The following WNK2 variants were observed in gnomAD, a reference collection of about 807,000 sequenced individuals.
WNK2 encodes the protein serine/threonine-protein kinase WNK2.
WNK2 carries 67 observed loss-of-function variants against 192.1 expected under a neutral mutation model. The ratio of observed to expected loss-of-function variants is 0.35; its 90% CI spans 0.29 to 0.43. The LOEUF (loss-of-function observed/expected upper bound fraction) is 0.43, where lower values mean the gene tolerates loss of function less well. Among genes scored for constraint, WNK2 ranks in the 20% least tolerant of loss-of-function variants. The pLI, the probability that WNK2 is intolerant of heterozygous loss-of-function variation, is 1.00. For missense variants in WNK2, 2,698 were observed against 3,089.7 expected (o/e 0.87, Z 3.01); for synonymous variants, 1,439 against 1,393.9 (o/e 1.03, Z -0.72).
chr9:93,202,415 C>A (rs931801786), intron 2 of WNK2, among the ~76,000 whole-genome samples: 2 of 151,952 alleles, frequency 1.3e-5, no homozygotes, highest in South Asian at 2.1e-4. Flanking sequence ...GCCCCTCCGG[C>A]GCTTCCGTGG....
At chr9:93,311,615 G>T (rs1465022746) in intron 28 of WNK2, among the ~76,000 whole-genome samples, 19 of 150,806 alleles carry the variant, frequency 1.3e-4, no homozygotes, top group African/African-American at 4.6e-4. Flanking sequence ...TTTTTTGTTT[G>T]TGTGTGTGTG....
chr9:93,316,243 T>C (rs542535065), intron 28 of WNK2: 1 of 152,354 alleles, frequency 6.6e-6, no homozygotes, highest in South Asian at 2.1e-4. Context: ...GTTGATCTTC[T>C]TCAAGAAGTT....
intron 10 of WNK2, 155 bp downstream of exon 10, chr9:93,256,609 ACT>A (rs769000217): frequency 3.6e-5 from 33 of 904,956 alleles, no homozygotes; most frequent in Non-Finnish European, 4.0e-5. Context: ...GATGGGAGTG[ACT>A]CTCGTATGTG....
chr9:93,209,575 C>T (rs971540448), intron 2 of WNK2, among the ~76,000 whole-genome samples: 1 of 152,164 alleles, frequency 6.6e-6, no homozygotes, highest in Non-Finnish European at 1.5e-5. Context: ...AGAGGGGGTT[C>T]TGTAGGGTTT....
Position 93,247,738 on chromosome 9 carries a change from C to G in WNK2, c.1738C>G (p.Gln580Glu), listed in dbSNP as rs994902031. 33 of 1,555,166 alleles carry G rather than the reference C, an allele frequency of 2.1e-5. No homozygotes were observed. Among genetic ancestry groups the G allele is most frequent in the Non-Finnish European group, 2.7e-5 (31 of 1,150,672 alleles). The change falls in exon 8 of 30, where the codon CAG becomes GAG. Residue 580 changes from glutamine to glutamate, a missense_variant. Physicochemically the swap from Gln to Glu is conservative, Grantham distance 29 (BLOSUM62 2). This residue lies in a region of WNK2 where 893 missense variants were observed against 909.0 expected (regional missense o/e 0.98). Transcript: ENST00000427277. The surrounding 1 kb of genome is among the most constrained non-coding windows in gnomAD (Gnocchi z 5.2). Reference sequence around the variant, plus strand: ...GCAGGTCCAGGTGACCTACCATGCACAGGCTGGGCAGCCCGGGCCACCAGA... The same window carrying G: ...GCAGGTCCAGGTGACCTACCATGCAGAGGCTGGGCAGCCCGGGCCACCAGA... ...PLQVQVTYHAQAGQPGPPEPE... is the reference protein window; with the variant it reads ...PLQVQVTYHAEAGQPGPPEPE...
At chr9:93,233,778 A>T (rs1232282206) in intron 4 of WNK2, among the ~76,000 whole-genome samples, 1 of 152,158 alleles carries the variant, frequency 6.6e-6, no homozygotes, top group Non-Finnish European at 1.5e-5. Flanking sequence ...AAAATGCACT[A>T]ATTAGTTAGC....
intron 13 of WNK2, 51 bp downstream of exon 13, chr9:93,262,158 C>G (rs73651203): frequency 6.6e-6 from 10 of 1,522,006 alleles, no homozygotes; most frequent in South Asian, 1.3e-5. Flanking sequence ...TTGCGGCCAC[C>G]GGGGATCTGC....
At chr9:93,260,416 C>T (rs1564112471) in intron 12 of WNK2, among the ~76,000 whole-genome samples, 1 of 152,194 alleles carries the variant, frequency 6.6e-6, no homozygotes. Flanking sequence ...CTTACCTGAC[C>T]TCCTCCTACC....
chr9:93,268,337 G>C (rs1224898605), intron 18 of WNK2, among the ~76,000 whole-genome samples: 1 of 152,204 alleles, frequency 6.6e-6, no homozygotes, highest in African/African-American at 2.4e-5. Context: ...AGGCACCCCA[G>C]GTTCTGCTGT....
intron 19 of WNK2, among the ~76,000 whole-genome samples, chr9:93,278,463 A>T (rs971908830): frequency 6.6e-6 from 1 of 152,192 alleles, no homozygotes; most frequent in African/African-American, 2.4e-5. Context: ...CTTATAATTC[A>T]AGGGGTTTTG....
chr9:93,185,660 G>A, intron 2 of WNK2, 50 bp downstream of exon 2: 2 of 1,565,298 alleles, frequency 1.3e-6, no homozygotes, highest in Non-Finnish European at 1.7e-6. Flanking sequence ...CTGTCCGCGA[G>A]TGCGTCCTTG....
intron 7 of WNK2, among the ~76,000 whole-genome samples, chr9:93,241,760 T>C (rs1033210588): frequency 6.6e-6 from 1 of 152,112 alleles, no homozygotes; most frequent in Non-Finnish European, 1.5e-5. Flanking sequence ...TCCTTGTCCA[T>C]GGGGGCACTG....
At position 93,262,108 on chromosome 9, in the gene WNK2, G is replaced by C; in HGVS notation, c.3360+1G>C. On this transcript the variant is annotated splice_donor_variant, in intron 13 of 29. Transcript: ENST00000427277. LOFTEE classifies it high-confidence loss of function. ...GCTGACGGTGGAACCAGTCCAAGAGGTGTGTGCCCCTCCCCCCAGCCTGTC... is the reference window on the plus strand; with the variant it reads ...GCTGACGGTGGAACCAGTCCAAGAGCTGTGTGCCCCTCCCCCCAGCCTGTC... 3.2e-6 allele frequency: 5 copies of C among 1,580,102 alleles called. No homozygotes were observed. Among genetic ancestry groups the C allele is most frequent in the Non-Finnish European group, 4.3e-6 (5 of 1,157,866 alleles).
At chr9:93,211,539 C>T (rs1008035346) in intron 2 of WNK2, among the ~76,000 whole-genome samples, 1 of 150,234 alleles carries the variant, frequency 6.7e-6, no homozygotes, top group Non-Finnish European at 1.5e-5. Context: ...CTCACTCACT[C>T]ATCCATTCAC....
chr9:93,253,122 A>G (rs1197897329), intron 9 of WNK2, 40 bp downstream of exon 9: 1 of 1,346,764 alleles, frequency 7.4e-7, no homozygotes. Context: ...CCCCATCCCC[A>G]TTACCTGGTC....
chr9:93,255,823 C>T (rs564634358), intron 9 of WNK2, among the ~76,000 whole-genome samples: 2 of 152,282 alleles, frequency 1.3e-5, no homozygotes, highest in South Asian at 4.1e-4. Flanking sequence ...CAGCAAATAC[C>T]CATTCTGAGA....
At chr9:93,261,765 G>A in intron 12 of WNK2, 49 bp from the exon 13 acceptor site, 2 of 1,545,010 alleles carry the variant, frequency 1.3e-6, no homozygotes, top group Non-Finnish European at 1.7e-6. Context: ...GGCCCCCTCA[G>A]TGAAGGCAGC....
chr9:93,252,290 T>C (rs1842703916), intron 8 of WNK2, among the ~76,000 whole-genome samples: 1 of 152,204 alleles, frequency 6.6e-6, no homozygotes, highest in Admixed American at 6.5e-5. Context: ...ATGCGAGGCC[T>C]CTGGGGGAGC....
At chr9:93,236,360 G>A (rs942573472) in intron 5 of WNK2, among the ~76,000 whole-genome samples, 1 of 152,168 alleles carries the variant, frequency 6.6e-6, no homozygotes, top group African/African-American at 2.4e-5. Flanking sequence ...CAGGCTGGGG[G>A]CTCCAGCACC....
Sources: allele counts gnomAD v4.1 joint callset (sites outside exome capture counted in the v4.1 genomes callset), GRCh38; gene constraint gnomAD v4.1.1; regional missense constraint gnomAD v4.1.1; non-coding constraint Gnocchi (gnomAD v3.1); transcripts MANE v1.5; gene names NCBI Gene and HGNC (gene_info 2026-07-23, HGNC 2026-07-21).